RANGAP1: variants seen among roughly 807,000 people sequenced by gnomAD.
RANGAP1 encodes ran GTPase-activating protein 1.
In RANGAP1, 38 loss-of-function variants were observed where a neutral mutation model predicts 63.5. The ratio of observed to expected loss-of-function variants is 0.60; its 90% confidence interval spans 0.46 to 0.78. RANGAP1 has a LOEUF of 0.78. Ranked by LOEUF, RANGAP1 falls within the 30% of genes least tolerant of loss-of-function variation. The pLI, the probability that RANGAP1 is intolerant of heterozygous loss-of-function variation, is 0.00. For missense variants in RANGAP1, 630 were observed against 740.3 expected (o/e 0.85, Z 1.73); for synonymous variants, 329 against 310.5 (o/e 1.06, Z -0.63).
chr22:41,254,203 G>T, intron 11 of RANGAP1, 105 bp downstream of exon 11: 2 of 1,227,446 alleles, frequency 1.6e-6, no homozygotes, highest in South Asian at 1.4e-5. Flanking sequence ...AAATGTTTGT[G>T]GCTACTGTGC....
chr22:41,300,432 A>T, the RANGAP1 span, among the ~76,000 whole-genome samples: 1 of 50,392 alleles, frequency 2.0e-5, no homozygotes, highest in Non-Finnish European at 3.4e-5. Context: ...GGGAACTCAC[A>T]CACACACACA....
At chr22:41,298,717 T>G in the RANGAP1 span, among the ~76,000 whole-genome samples, 5,858 of 151,932 alleles carry the variant, frequency 0.039, 691 homozygotes, top group East Asian at 0.44. Flanking sequence ...CCCAGGCTGG[T>G]CTCAAACTCC....
chr22:41,274,487 G>A, intron 3 of RANGAP1, 113 bp downstream of exon 3: 1 of 1,486,762 alleles, frequency 6.7e-7, no homozygotes. Context: ...GCTGCTTGGG[G>A]TACAGCCACA....
chr22:41,249,230 G>C, intron 15 of RANGAP1, 100 bp downstream of exon 15: 2 of 1,442,824 alleles, frequency 1.4e-6, no homozygotes, highest in Non-Finnish European at 1.8e-6. Flanking sequence ...CCAGCAGGCT[G>C]GCTGGGCTGG....
intron 3 of RANGAP1, among the ~76,000 whole-genome samples, chr22:41,271,558 G>T (rs2034830382): frequency 6.6e-6 from 1 of 151,982 alleles, no homozygotes; most frequent in Non-Finnish European, 1.5e-5. Context: ...AGCCGGCATG[G>T]TGGCAGGCAC....
At chr22:41,298,342 TCTCA>T in the RANGAP1 span, among the ~76,000 whole-genome samples, 1 of 150,900 alleles carries the variant, frequency 6.6e-6, no homozygotes, top group African/African-American at 2.4e-5. Context: ...TGAGACTGAG[TCTCA>T]CTCTGTTGCC....
chr22:41,287,615 G>A (rs1211094765), upstream of RANGAP1, among the ~76,000 whole-genome samples: 4 of 151,198 alleles, frequency 2.6e-5, no homozygotes, highest in Non-Finnish European at 5.9e-5. Flanking sequence ...AGCCGTGATT[G>A]CACCACTGCA....
At chr22:41,259,434 TA>T (rs1475129551) in intron 6 of RANGAP1, among the ~76,000 whole-genome samples, 1 of 152,194 alleles carries the variant, frequency 6.6e-6, no homozygotes, top group East Asian at 1.9e-4. Flanking sequence ...AATGTTTTTT[TA>T]AAATTTTAAG....
the RANGAP1 span, among the ~76,000 whole-genome samples, chr22:41,293,113 T>C: frequency 3.3e-5 from 5 of 151,594 alleles, no homozygotes; most frequent in African/African-American, 1.2e-4. Flanking sequence ...CGGGCGCCTG[T>C]AGTCCCAGCT....
At chr22:41,273,766 C>CAAAAAAAAGAAAA (rs2034973036) in intron 3 of RANGAP1, among the ~76,000 whole-genome samples, 1 of 24,350 alleles carries the variant, frequency 4.1e-5, no homozygotes, top group African/African-American at 1.6e-4. Flanking sequence ...GACTCCATCT[C>CAAAAAAAAGAAAA]AAAAAAAAAA....
At chr22:41,246,736 G>T in intron 15 of RANGAP1, 64 bp from the exon 16 acceptor site, 1 of 1,412,580 alleles carries the variant, frequency 7.1e-7, no homozygotes, top group Non-Finnish European at 9.8e-7. Context: ...AAGTGTGGGG[G>T]CCATTTTGGT....
intron 6 of RANGAP1, among the ~76,000 whole-genome samples, chr22:41,258,433 T>C (rs1374919079): frequency 6.6e-6 from 1 of 152,206 alleles, no homozygotes; most frequent in African/African-American, 2.4e-5. Flanking sequence ...GGACCCTGGC[T>C]GTGGTGGGCA....
chr22:41,302,303 G>T, the RANGAP1 span, among the ~76,000 whole-genome samples: 1 of 151,762 alleles, frequency 6.6e-6, no homozygotes, highest in East Asian at 1.9e-4. The surrounding 1 kb of genome is among the most constrained non-coding windows in gnomAD (Gnocchi z 5.7). Flanking sequence ...CCGACGGGCC[G>T]CCCCTTTCGG....
At chr22:41,266,166 C>T (rs971279138) in intron 4 of RANGAP1, among the ~76,000 whole-genome samples, 2 of 150,698 alleles carry the variant, frequency 1.3e-5, no homozygotes, top group Non-Finnish European at 1.5e-5. Flanking sequence ...CGTGCCACTG[C>T]ACTCCAGCCT....
Position 41,275,491 on chromosome 22 carries a change from T to TA in RANGAP1, c.113-765dup, listed in dbSNP as rs78691217. Among the ~76,000 whole-genome samples the TA allele has an allele frequency of 8.3e-4, 120 of 144,266 alleles. 2 individuals are homozygous for TA. In the East Asian group the frequency reaches 0.02, roughly 24 times the overall value. 94.6% of individuals were successfully genotyped at this position (144,266 alleles called of 152,430 possible). A position where few individuals can be genotyped will look rare whatever the true frequency, so the allele number is the denominator to read the frequency against. On this transcript the variant is annotated intron_variant, in intron 2 of 15. Coordinates refer to ENST00000356244, the MANE Select transcript of RANGAP1 (RefSeq NM_002883.4). ...TGGGAGACACAGCAAGACTCCATCTTAAAAAAAAGTCAGGCATGGTGGCAT... is the reference window on the plus strand; with the variant it reads ...TGGGAGACACAGCAAGACTCCATCTTAAAAAAAAAGTCAGGCATGGTGGCAT...
At position 41,250,929 on chromosome 22, in the gene RANGAP1, C is replaced by G. The variant is rs763582496; in HGVS notation, c.1483+78G>C. 6.9e-5 allele frequency: 86 copies of G among 1,241,992 alleles called. 1 individual carries two copies. The highest frequency in any genetic ancestry group is 3.8e-4 in the Middle Eastern group (2 of 5,238). The allele number at this position is 1,241,992 out of a possible 1,614,324, so 76.9% of individuals were successfully genotyped here. On this transcript the variant is annotated intron_variant, in intron 13 of 15. Transcript: ENST00000356244. ...TGAGAGCGCTGGGGCTGACGAGTTA[C>G]GGCAACCACGAAGGATACCTGGGGC...
rs2033687949 is a variant in RANGAP1 at position 41,254,457 on chromosome 22, C to T, written c.1111G>A (p.Glu371Lys). The T allele has an allele frequency of 6.2e-7, 1 of 1,608,622 alleles. No individual in the cohort carries two copies. Among genetic ancestry groups the T allele is most frequent in the Non-Finnish European group, 8.5e-7 (1 of 1,178,532 alleles). ...TCTTCTTCTGCTTCCTCTTCTTCCT[C>T]TTCTCCTTCCTCCTCCTCCTCCTCG... is the stretch of plus-strand genomic sequence containing the variant. ...EDEEEEEEGEEEEEEAEEEEE... is the reference protein window; with the variant it reads ...EDEEEEEEGEKEEEEAEEEEE... The change falls in exon 11 of 16, where the codon GAG becomes AAG. Residue 371 changes from glutamate (E) to lysine (K), a missense_variant. By Grantham distance (56) the Glu-to-Lys change is moderately conservative. Transcript: ENST00000356244.
rs2145780045 is a variant in RANGAP1 at position 41,268,159 on chromosome 22, G to T, written c.241-3C>A. 2 of 1,548,430 alleles carry T rather than the reference G, an allele frequency of 1.3e-6. No homozygotes were observed. The highest frequency in any genetic ancestry group is 8.7e-7 in the Non-Finnish European group (1 of 1,143,128). On this transcript the variant is annotated splice_region_variant and splice_polypyrimidine_tract_variant and intron_variant, in intron 3 of 15. Transcript: ENST00000356244. ...AACATGTCACTCCAGTGGCAGCGCT[G>T]CAACGGAAAGAAGAGAAGAGTTAGC...
intron 13 of RANGAP1, 131 bp from the exon 14 acceptor site, chr22:41,249,948 G>A (rs2033326728): frequency 5.4e-6 from 4 of 739,000 alleles, no homozygotes; most frequent in South Asian, 1.6e-5. Flanking sequence ...AGGCGAACAC[G>A]AGAGGGACGG....
Sources: allele counts gnomAD v4.1 joint callset (sites outside exome capture counted in the v4.1 genomes callset), GRCh38; gene constraint gnomAD v4.1.1; non-coding constraint Gnocchi (gnomAD v3.1); transcripts MANE v1.5; gene names NCBI Gene and HGNC (gene_info 2026-07-23, HGNC 2026-07-21).